Variants in DPP10 observed in about 807,000 individuals in gnomAD.
DPP10 encodes the protein inactive dipeptidyl peptidase 10.
In DPP10, 33 loss-of-function variants were observed where a neutral mutation model predicts 120.9. That is an observed-to-expected ratio of 0.27 (90% CI 0.21 to 0.37). The LOEUF is 0.37. Among genes scored for constraint, DPP10 ranks in the 10% least tolerant of loss-of-function variants. The probability of loss-of-function intolerance (pLI) is 1.00; values close to 1 mark genes in which losing one functional copy is unlikely to be tolerated. For synonymous variants in DPP10, 337 were observed against 326.1 expected (o/e 1.03, Z -0.36); for missense variants, 816 against 942.8 (o/e 0.87, Z 1.76).
intron 1 of DPP10, among the ~76,000 whole-genome samples, chr2:115,037,108 A>G (rs1220741387): frequency 6.6e-6 from 1 of 152,216 alleles, no homozygotes; most frequent in Non-Finnish European, 1.5e-5. Context: ...TGTGAGATTC[A>G]GGGAGCAGCA....
At chr2:115,617,522 A>C (rs1198602372) in intron 5 of DPP10, among the ~76,000 whole-genome samples, 2 of 151,842 alleles carry the variant, frequency 1.3e-5, no homozygotes, top group Admixed American at 6.6e-5. Flanking sequence ...TAGCCCTATA[A>C]GATTATAATA....
intron 1 of DPP10, among the ~76,000 whole-genome samples, chr2:114,527,429 G>A (rs1044293355): frequency 3.9e-5 from 6 of 152,118 alleles, no homozygotes; most frequent in African/African-American, 1.4e-4. Context: ...CTGTTGTCCA[G>A]TGTGATTGGC....
intron 5 of DPP10, among the ~76,000 whole-genome samples, chr2:115,614,303 C>T (rs1007997929): frequency 1.3e-5 from 2 of 152,132 alleles, no homozygotes; most frequent in Non-Finnish European, 2.9e-5. Context: ...GCAGGATCTA[C>T]CACTAAGCAC....
At chr2:115,647,693 A>G (rs930953732) in intron 5 of DPP10, among the ~76,000 whole-genome samples, 1 of 152,130 alleles carries the variant, frequency 6.6e-6, no homozygotes, top group Non-Finnish European at 1.5e-5. Context: ...TCCAAGATCA[A>G]GGCACTGTCA....
At chr2:114,963,286 C>T (rs183571804) in intron 1 of DPP10, among the ~76,000 whole-genome samples, 1 of 152,194 alleles carries the variant, frequency 6.6e-6, no homozygotes, top group Admixed American at 6.5e-5. Flanking sequence ...TGCCACTGGT[C>T]ATTTGATAAA....
At chr2:115,171,086 C>T (rs796085592) in intron 1 of DPP10, among the ~76,000 whole-genome samples, 8 of 152,240 alleles carry the variant, frequency 5.3e-5, no homozygotes, top group African/African-American at 1.9e-4. Flanking sequence ...ATTGGCTGGG[C>T]ACAGTGGCTC....
At chr2:115,443,344 G>A (rs1041936499) in intron 3 of DPP10, among the ~76,000 whole-genome samples, 9 of 152,130 alleles carry the variant, frequency 5.9e-5, no homozygotes, top group Non-Finnish European at 2.9e-5. Context: ...TTTGTCACTT[G>A]GTAAGGGAAA....
chr2:114,982,853 CA>C (rs1217625463), intron 1 of DPP10, among the ~76,000 whole-genome samples: 1 of 151,994 alleles, frequency 6.6e-6, no homozygotes, highest in Non-Finnish European at 1.5e-5. Flanking sequence ...GCGATCTGCC[CA>C]CCTGAGCCTC....
At chr2:114,627,665 C>A (rs940471947) in intron 1 of DPP10, among the ~76,000 whole-genome samples, 2 of 151,956 alleles carry the variant, frequency 1.3e-5, no homozygotes, top group African/African-American at 4.8e-5. Context: ...AGCTGCAGGG[C>A]TAATTGGATG....
chr2:114,452,933 T>C (rs1027139007), intron 1 of DPP10, among the ~76,000 whole-genome samples: 3 of 152,206 alleles, frequency 2.0e-5, no homozygotes, highest in Non-Finnish European at 4.4e-5. Flanking sequence ...GTGGTTTCTT[T>C]CTTTGAGTTT....
chr2:114,872,408 C>G (rs770590230), intron 1 of DPP10, among the ~76,000 whole-genome samples: 1 of 152,134 alleles, frequency 6.6e-6, no homozygotes, highest in Non-Finnish European at 1.5e-5. Flanking sequence ...TCCCCCAACA[C>G]GTGGGTATTA....
intron 1 of DPP10, among the ~76,000 whole-genome samples, chr2:115,277,386 G>T (rs974717944): frequency 6.8e-6 from 1 of 146,452 alleles, no homozygotes; most frequent in Admixed American, 6.8e-5. Flanking sequence ...TTAGCACAAG[G>T]TACTTTTGGA....
rs1163884129 is a variant in DPP10, at chr2:115,699,545, T to G, written c.576+9624T>G. Among the ~76,000 whole-genome samples the G allele has an allele frequency of 3.9e-5, 6 of 152,142 alleles. 1 individual carries two copies. Among genetic ancestry groups the G allele is most frequent in the Middle Eastern group, 6.3e-3 (2 of 316 alleles). On this transcript the variant is annotated intron_variant, in intron 7 of 25. Coordinates refer to ENST00000410059, the MANE Select transcript of DPP10 (RefSeq NM_020868.6). The stretch of plus-strand genomic sequence containing the variant: ...TGAACCTGGGAGGCAGAGGTTGCAG[T>G]GAGTTGTGATTTGAGATCATGCCAC...
intron 1 of DPP10, among the ~76,000 whole-genome samples, chr2:115,224,438 G>A (rs1172048554): frequency 6.6e-6 from 1 of 152,106 alleles, no homozygotes; most frequent in African/African-American, 2.4e-5. Flanking sequence ...AAATTTGCTA[G>A]GTGAGTTTCT....
At chr2:115,714,833 G>A (rs1318168748) in intron 7 of DPP10, among the ~76,000 whole-genome samples, 1 of 152,050 alleles carries the variant, frequency 6.6e-6, no homozygotes, top group Non-Finnish European at 1.5e-5. Context: ...TTCAAGACGA[G>A]CCTGGCCAAG....
chr2:114,516,001 C>T (rs1303353896), intron 1 of DPP10, among the ~76,000 whole-genome samples: 1 of 152,198 alleles, frequency 6.6e-6, no homozygotes. Context: ...GGTGATTCTA[C>T]AGCATGCATT....
At chr2:115,267,229 A>G (rs940706936) in intron 1 of DPP10, among the ~76,000 whole-genome samples, 2 of 152,212 alleles carry the variant, frequency 1.3e-5, no homozygotes, top group Admixed American at 6.5e-5. Flanking sequence ...AAGTGCCTCT[A>G]TCAGAGACGG....
At chr2:115,336,106 T>C (rs780983280) in intron 2 of DPP10, among the ~76,000 whole-genome samples, 76 of 152,056 alleles carry the variant, frequency 5.0e-4, no homozygotes, top group Non-Finnish European at 8.4e-4. Flanking sequence ...GAACTTAAAG[T>C]CATAAATTAG....
intron 1 of DPP10, among the ~76,000 whole-genome samples, chr2:115,245,405 A>G (rs1044334801): frequency 2.6e-5 from 4 of 152,178 alleles, no homozygotes; most frequent in Non-Finnish European, 5.9e-5. Flanking sequence ...TTATCAGAGA[A>G]ATGCGAATTA....
Sources: gnomAD v4.1 joint callset for allele counts (sites outside exome capture counted in the v4.1 genomes callset) on GRCh38, gnomAD v4.1.1 for gene constraint, MANE v1.5 for transcripts, NCBI Gene and HGNC (gene_info 2026-07-23, HGNC 2026-07-21) for gene names.